CHLSN: variants seen among roughly 807,000 people sequenced by gnomAD.
The protein encoded by CHLSN is protein cholesin.
the CHLSN span, chr7:1,045,929 A>C: frequency 1.3e-5 from 2 of 152,294 alleles, no homozygotes; most frequent in Admixed American, 6.5e-5. Flanking sequence ...GATGGAGGAC[A>C]GAGGAACACA....
the CHLSN span, chr7:1,092,689 C>T: frequency 6.2e-7 from 1 of 1,613,368 alleles, no homozygotes; most frequent in Admixed American, 1.7e-5. Context: ...CTGCCTAAAC[C>T]CCCTCATCTA....
chr7:1,044,737 C>G, the CHLSN span: 1 of 152,260 alleles, frequency 6.6e-6, no homozygotes, highest in Non-Finnish European at 1.5e-5. Flanking sequence ...CAGCCCCAAG[C>G]TGCTGTGGCT....
chr7:1,030,728 CA>C, the CHLSN span, among the ~76,000 whole-genome samples: 17 of 101,364 alleles, frequency 1.7e-4, no homozygotes, highest in Non-Finnish European at 3.1e-4. Context: ...TCTCCCGGGG[CA>C]GGGGGGGACT....
At chr7:994,967 C>T in the CHLSN span, among the ~76,000 whole-genome samples, 3 of 152,258 alleles carry the variant, frequency 2.0e-5, no homozygotes, top group Non-Finnish European at 4.4e-5. Context: ...AGCAGCTGCC[C>T]TCTCCACAGT....
At chr7:1,090,249 G>A in the CHLSN span, among the ~76,000 whole-genome samples, 1 of 152,228 alleles carries the variant, frequency 6.6e-6, no homozygotes, top group Non-Finnish European at 1.5e-5. Flanking sequence ...GTAGGGAGCT[G>A]AGCGGCAGCC....
At chr7:1,049,965 CAAG>C in the CHLSN span, among the ~76,000 whole-genome samples, 2 of 152,160 alleles carry the variant, frequency 1.3e-5, no homozygotes, top group Non-Finnish European at 2.9e-5. Flanking sequence ...CCCACCCCAA[CAAG>C]GAGAGCTGCC....
At chr7:984,706 G>C in the CHLSN span, 4 of 1,338,828 alleles carry the variant, frequency 3.0e-6, no homozygotes, top group East Asian at 2.5e-5. Context: ...CTGGGCCTCC[G>C]GGCTGGTGCT....
At chr7:983,381 T>C in the CHLSN span, 10 of 1,509,876 alleles carry the variant, frequency 6.6e-6, no homozygotes, top group South Asian at 7.3e-5. Context: ...CGGTCCCTGA[T>C]GGAGGTAAGT....
At chr7:1,096,190 C>T in the CHLSN span, among the ~76,000 whole-genome samples, 7 of 152,356 alleles carry the variant, frequency 4.6e-5, no homozygotes, top group South Asian at 1.0e-3. This position sits in a 1 kb window ranked among gnomAD's most constrained non-coding sequence, Gnocchi z 4.6. Flanking sequence ...CGCTCCTCTC[C>T]GCCAGGTCTC....
chr7:1,030,794 ACTCTCTGGGCAGGTGGGGCT>A, the CHLSN span, among the ~76,000 whole-genome samples: 3 of 149,926 alleles, frequency 2.0e-5, no homozygotes, highest in South Asian at 2.1e-4. Context: ...GGCAGGTGGG[ACTCTCTGGGCAGGTGGGGCT>A]CTCTCTGGGC....
chr7:994,293 GATC>G, the CHLSN span, among the ~76,000 whole-genome samples: 3 of 151,948 alleles, frequency 2.0e-5, no homozygotes, highest in African/African-American at 7.3e-5. Flanking sequence ...GAGTAGCTGG[GATC>G]ACTACAGGCG....
the CHLSN span, chr7:985,387 G>C: frequency 6.6e-7 from 1 of 1,516,058 alleles, no homozygotes; most frequent in Non-Finnish European, 8.9e-7. Context: ...TGCAGCAGGA[G>C]GACGGGGGCC....
At chr7:1,037,658 C>T in the CHLSN span, among the ~76,000 whole-genome samples, 26,740 of 131,748 alleles carry the variant, frequency 0.2, 3,824 homozygotes, top group Admixed American at 0.25. Flanking sequence ...AGCCTCTGCC[C>T]GGCCGCCACC....
At chr7:1,100,895 G>A in the CHLSN span, among the ~76,000 whole-genome samples, 1 of 152,250 alleles carries the variant, frequency 6.6e-6, no homozygotes, top group Admixed American at 6.5e-5. Flanking sequence ...ACGGCTGAGG[G>A]GCAGAGATGG....
the CHLSN span, among the ~76,000 whole-genome samples, chr7:1,017,163 C>T: frequency 1.3e-5 from 2 of 152,254 alleles, no homozygotes; most frequent in Non-Finnish European, 2.9e-5. Context: ...TGGGCCTCTG[C>T]CTCTGGCCCC....
the CHLSN span, among the ~76,000 whole-genome samples, chr7:1,061,514 G>T: frequency 6.6e-6 from 1 of 152,164 alleles, no homozygotes; most frequent in Admixed American, 6.5e-5. Context: ...GCTCCCGCCA[G>T]TCTCTGTGGC....
the CHLSN span, among the ~76,000 whole-genome samples, chr7:1,107,230 CTA>C: frequency 1.3e-5 from 2 of 152,202 alleles, no homozygotes; most frequent in African/African-American, 4.8e-5. Context: ...CTGCAACCCA[CTA>C]TCCCCAAGCT....
chr7:1,063,868 T>C, the CHLSN span, among the ~76,000 whole-genome samples: 1 of 152,208 alleles, frequency 6.6e-6, no homozygotes, highest in Non-Finnish European at 1.5e-5. Context: ...GTACCTGTGC[T>C]GTTCTCTTTC....
the CHLSN span, among the ~76,000 whole-genome samples, chr7:1,041,281 C>CTCCGCGCTGCGGGGAAGGGGACCTGGGG: frequency 4.4e-5 from 4 of 90,438 alleles, 2 homozygotes; most frequent in Non-Finnish European, 1.1e-4. Context: ...GGGACCTGGG[C>CTCCGCGCTGCGGGGAAGGGGACCTGGGG]TCCGCGCTGC....
Sources: allele counts gnomAD v4.1 joint callset (sites outside exome capture counted in the v4.1 genomes callset), GRCh38; gene constraint gnomAD v4.1.1; non-coding constraint Gnocchi (gnomAD v3.1); transcripts MANE v1.5; gene names NCBI Gene and HGNC (gene_info 2026-07-23, HGNC 2026-07-21).